The following GFPT2 variants were observed in gnomAD, a reference collection of about 807,000 sequenced individuals.
The protein encoded by GFPT2 is glutamine--fructose-6-phosphate aminotransferase [isomerizing] 2.
In GFPT2, 62 loss-of-function variants were observed where a neutral mutation model predicts 85.6. That is an observed-to-expected ratio of 0.72 (90% CI 0.59 to 0.90). The LOEUF is 0.90. GFPT2 is among the 40% of genes least tolerant of loss of function. GFPT2 has a pLI of 0.00. For missense variants in GFPT2, 788 were observed against 893.4 expected (o/e 0.88, Z 1.50); for synonymous variants, 368 against 344.5 (o/e 1.07, Z -0.75).
At position 180,318,845 on chromosome 5, in the gene GFPT2, G is replaced by C. The variant is rs1324024949; in HGVS notation, c.906C>G (p.Asp302Glu). 1.9e-6 allele frequency: 3 copies of C among 1,614,042 alleles called. No homozygotes were observed. The African/African-American group carries it at 4.0e-5, about 22-fold the overall frequency. Residue 302 changes from aspartate (D) to glutamate (E), a missense_variant, in exon 10 of 19, where the codon GAC becomes GAG. Physicochemically the swap from Asp to Glu is conservative, Grantham distance 45. Coordinates refer to ENST00000253778, the MANE Select transcript of GFPT2 (RefSeq NM_005110.4). The surrounding 1 kb of genome is among the most constrained non-coding windows in gnomAD (Gnocchi z 4.2). ...IHRVKRSASD[D>E]PSRAIQTLQM... The stretch of plus-strand genomic sequence containing the variant: ...GCAAGGTCTGGATGGCTCGAGATGG[G>C]TCATCACTGGCCGAGCGCTTGACCC...
At chr5:180,303,229 CAAAAA>C (rs5873683) in intron 17 of GFPT2, among the ~76,000 whole-genome samples, 2 of 118,718 alleles carry the variant, frequency 1.7e-5, no homozygotes, top group Admixed American at 1.8e-4. Flanking sequence ...GACTCCGTCA[CAAAAA>C]AAAAAAAAAA....
chr5:180,331,612 G>A, intron 4 of GFPT2, 59 bp from the exon 5 acceptor site: 1 of 994,044 alleles, frequency 1.0e-6, no homozygotes, highest in Non-Finnish European at 1.6e-6. Flanking sequence ...CAGATGTGAA[G>A]AGAGATGATT....
intron 9 of GFPT2, among the ~76,000 whole-genome samples, chr5:180,322,182 T>G (rs766380307): frequency 6.6e-6 from 1 of 152,184 alleles, no homozygotes; most frequent in South Asian, 2.1e-4. Context: ...TAGTTTTAAA[T>G]GTTGAGTGCA....
chr5:180,315,594 T>C (rs1335082454), intron 13 of GFPT2, among the ~76,000 whole-genome samples: 1 of 152,220 alleles, frequency 6.6e-6, no homozygotes, highest in African/African-American at 2.4e-5. Context: ...GGGGTTAATA[T>C]GAGTGTGTCC....
intron 14 of GFPT2, 65 bp from the exon 15 acceptor site, chr5:180,312,609 A>G (rs1763915160): frequency 2.3e-6 from 2 of 868,086 alleles, no homozygotes; most frequent in Admixed American, 3.5e-5. Flanking sequence ...TTTATTTTTG[A>G]GACAGGGTCT....
chr5:180,328,303 G>A lies in GFPT2; in HGVS notation c.570C>T (p.His190=). The change falls in exon 7 of 19, where the codon CAC becomes CAT. Residue 190 remains histidine, a synonymous_variant. Transcript: ENST00000253778. This position sits in a 1 kb window ranked among gnomAD's most constrained non-coding sequence, Gnocchi z 5.4. ...GTGTGGCAACGGCTTCTCCTGGGTA[G>A]TGGACACTCTTGAAAACCAGCGCGA... The part of the protein sequence containing the change: ...GAFALVFKSV[H]YPGEAVATRR... 6.2e-7 allele frequency: 1 copy of A among 1,613,222 alleles called. No individual in the cohort carries two copies. Among genetic ancestry groups the A allele is most frequent in the Non-Finnish European group, 8.5e-7 (1 of 1,179,194 alleles).
chr5:180,302,194 G>A (rs1763687910), intron 18 of GFPT2, among the ~76,000 whole-genome samples: 1 of 151,284 alleles, frequency 6.6e-6, no homozygotes, highest in Non-Finnish European at 1.5e-5. Flanking sequence ...GGCTGAGGCA[G>A]GAGAATCGCT....
intron 4 of GFPT2, among the ~76,000 whole-genome samples, chr5:180,332,265 CG>C (rs1561880825): frequency 8.5e-6 from 1 of 117,136 alleles, no homozygotes. Flanking sequence ...CAGGGGGATG[CG>C]GGGGATGCGG....
At position 180,324,211 on chromosome 5, in the gene GFPT2, T is replaced by C. The variant is rs1459243575; in HGVS notation, c.771A>G (p.Glu257=). ...CLHAVGDKAV[E]FFFASDASAI... is the part of the protein sequence containing the mutation. ...ACCTTGCATCAGAAGCAAAGAAGAA[T>C]TCCACGGCCTTGTCGCCCACAGCAT... Residue 257 remains glutamate (E), a synonymous_variant, in exon 9 of 19, where the codon GAA becomes GAG. Transcript: ENST00000253778. 4.4e-6 allele frequency: 7 copies of C among 1,606,692 alleles called. No homozygotes were observed. The highest frequency in any genetic ancestry group is 6.0e-6 in the Non-Finnish European group (7 of 1,173,792).
chr5:180,351,053 T>A (rs1190377528), intron 1 of GFPT2, among the ~76,000 whole-genome samples: 1 of 152,262 alleles, frequency 6.6e-6, no homozygotes, highest in African/African-American at 2.4e-5. Flanking sequence ...ATTCTTGCAG[T>A]ATCCTTGTAC....
intron 13 of GFPT2, among the ~76,000 whole-genome samples, chr5:180,314,854 C>CA (rs1180016047): frequency 6.6e-6 from 1 of 152,162 alleles, no homozygotes; most frequent in Non-Finnish European, 1.5e-5. Flanking sequence ...TCTATACACA[C>CA]AGAGATTCGG....
rs1020361818 is a variant in GFPT2 at position 180,335,944 on chromosome 5, C to T, written c.224G>A (p.Ser75Asn). The T allele has an allele frequency of 3.8e-6, 6 of 1,567,338 alleles. No individual in the cohort carries two copies. Among genetic ancestry groups the T allele is most frequent in the African/African-American group, 2.8e-5 (2 of 71,590 alleles). ...CTCAAACTCCACTTTTAAGTCCATG[C>T]TGTCTTGTTCTAAATGAAAGGAAAA... is the stretch of plus-strand genomic sequence containing the variant. ...ALDEELYKQD[S>N]MDLKVEFETH... Residue 75 changes from serine to asparagine, a missense_variant, in exon 4 of 19, where the codon AGC becomes AAC. Physicochemically the swap from Ser to Asn is conservative, Grantham distance 46 (BLOSUM62 1). Coordinates refer to ENST00000253778, the MANE Select transcript of GFPT2 (RefSeq NM_005110.4).
intron 10 of GFPT2, among the ~76,000 whole-genome samples, chr5:180,317,265 G>C (rs1019262292): frequency 6.6e-6 from 1 of 152,188 alleles, no homozygotes; most frequent in African/African-American, 2.4e-5. Flanking sequence ...CCTGCAGCTT[G>C]AGAAAGGGAG....
intron 14 of GFPT2, among the ~76,000 whole-genome samples, chr5:180,313,527 T>G (rs190440456): frequency 0.19 from 28,123 of 150,730 alleles, 2,855 homozygotes; most frequent in East Asian, 0.35. Flanking sequence ...GAGGCGGAGC[T>G]TGCAGTGAGC....
At chr5:180,327,191 C>T (rs1186516021) in intron 7 of GFPT2, among the ~76,000 whole-genome samples, 1 of 152,176 alleles carries the variant, frequency 6.6e-6, no homozygotes, top group Non-Finnish European at 1.5e-5. Flanking sequence ...AGATGAAGCC[C>T]GCAGCCCACA....
At chr5:180,336,456 C>T in intron 3 of GFPT2, 23 bp downstream of exon 3, 3 of 1,316,674 alleles carry the variant, frequency 2.3e-6, no homozygotes, top group Non-Finnish European at 3.3e-6. Flanking sequence ...GCGGCTCCTC[C>T]CACTCAGAGG....
At chr5:180,307,018 G>A (rs1763793842) in intron 16 of GFPT2, among the ~76,000 whole-genome samples, 158 bp downstream of exon 16, 1 of 152,220 alleles carries the variant, frequency 6.6e-6, no homozygotes, top group Non-Finnish European at 1.5e-5. Context: ...TAGAAACCTG[G>A]TGGAGAGCTG....
intron 7 of GFPT2, among the ~76,000 whole-genome samples, chr5:180,325,394 C>T (rs963260181): frequency 6.6e-6 from 1 of 152,218 alleles, no homozygotes; most frequent in East Asian, 1.9e-4. Flanking sequence ...ACTAGTCTGA[C>T]TGACTTTTGT....
chr5:180,335,901 G>A lies in GFPT2; in HGVS notation c.267C>T (p.Ala89=). ...CCCCGTGGGTGGCCCAGCGCGTGTG[G>A]GCAATGCCGAAGTGTGTCTCAAACT... ...KVEFETHFGI[A]HTRWATHGVP... Residue 89 remains alanine, a synonymous_variant, in exon 4 of 19, where the codon GCC becomes GCT. Coordinates refer to ENST00000253778, the MANE Select transcript of GFPT2 (RefSeq NM_005110.4). 1 of 1,580,150 alleles carries A rather than the reference G, an allele frequency of 6.3e-7. No individual in the cohort carries two copies. The highest frequency in any genetic ancestry group is 8.6e-7 in the Non-Finnish European group (1 of 1,168,630).
Sources: gnomAD v4.1 joint callset for allele counts (sites outside exome capture counted in the v4.1 genomes callset) on GRCh38, gnomAD v4.1.1 for gene constraint, Gnocchi (gnomAD v3.1) non-coding constraint, MANE v1.5 for transcripts, NCBI Gene and HGNC (gene_info 2026-07-23, HGNC 2026-07-21) for gene names.